SYNE3: variants seen among roughly 807,000 people sequenced by gnomAD.
The protein encoded by SYNE3 is spectrin repeat containing nuclear envelope family member 3, also known as nesprin-3.
A neutral mutation model predicts 111.2 loss-of-function variants in SYNE3; 100 were observed. The observed-to-expected ratio is 0.90, with a 90% CI of 0.77 to 1.06. The LOEUF (loss-of-function observed/expected upper bound fraction) is 1.06. Ranked by LOEUF, SYNE3 falls within the 50% of genes least tolerant of loss-of-function variation. SYNE3 has a pLI of 0.00. For missense variants in SYNE3, 1,160 were observed against 1,240.3 expected, an observed-to-expected ratio of 0.94 and a Z score of 0.97; for synonymous variants, 547 against 533.9, an observed-to-expected ratio of 1.02 and a Z score of -0.34.
At chr14:95,452,408 C>T (rs4905320) in intron 6 of SYNE3, 25 bp from the exon 7 acceptor site, 677,630 of 1,581,768 alleles carry the variant, frequency 0.43, 148,471 homozygotes, top group Admixed American at 0.66. Flanking sequence ...GACACCGCAG[C>T]GGGAGGTGAG....
At chr14:95,502,689 G>A (rs547405070) in intron 1 of SYNE3, among the ~76,000 whole-genome samples, 6 of 152,192 alleles carry the variant, frequency 3.9e-5, no homozygotes, top group East Asian at 1.9e-4. Flanking sequence ...ACGTACAACC[G>A]GTCAGGAACT....
chr14:95,503,610 C>CT (rs386382233), intron 1 of SYNE3, among the ~76,000 whole-genome samples: 2,186 of 91,846 alleles, frequency 0.024, 313 homozygotes, highest in African/African-American at 0.036. Flanking sequence ...TCAGAACTAC[C>CT]TTTTTTTTTT....
chr14:95,427,078 T>C (rs1206447536), intron 17 of SYNE3, among the ~76,000 whole-genome samples: 2 of 152,048 alleles, frequency 1.3e-5, no homozygotes, highest in Non-Finnish European at 2.9e-5. Context: ...TCTATAATCA[T>C]AAGCTAGGAA....
chr14:95,417,907 C>G lies in SYNE3; in HGVS notation c.2847G>C (p.Glu949Asp). 2 of 1,614,194 alleles carry G rather than the reference C, an allele frequency of 1.2e-6. No individual in the cohort carries two copies. Among genetic ancestry groups the G allele is most frequent in the Non-Finnish European group, 1.7e-6 (2 of 1,180,032 alleles). ...TGTTGGCCAGGGTGCAGCTGCGGTC[C>G]TCTTCCCTGATTGGGAGCAGGAACA... is the stretch of plus-strand genomic sequence containing the variant. ...LLLFLLPIRE[E>D]DRSCTLANNF... is the part of the protein sequence containing the mutation. Residue 949 changes from glutamate to aspartate, a missense_variant, in exon 18 of 18, where the codon GAG (glutamate) becomes GAC (aspartate). Physicochemically the swap from Glu to Asp is conservative, Grantham distance 45. Coordinates refer to ENST00000682763, the MANE Select transcript of SYNE3 (RefSeq NM_152592.6).
At chr14:95,436,312 C>T (rs1360737856) in intron 15 of SYNE3, among the ~76,000 whole-genome samples, 1 of 152,190 alleles carries the variant, frequency 6.6e-6, no homozygotes, top group Non-Finnish European at 1.5e-5. Context: ...TTCTGCCCTG[C>T]CTCTGCTATG....
In SYNE3 at chr14:95,431,957, T is replaced by G. The variant is rs181770905; in HGVS notation, c.2727+122A>C. The G allele has an allele frequency of 9.7e-6, 11 of 1,137,720 alleles. No homozygotes were observed. The African/African-American group carries it at 1.7e-4, about 18-fold the overall frequency. The allele number at this position is 1,137,720 out of a possible 1,614,324, so 70.5% of individuals were successfully genotyped here. On this transcript the variant is annotated intron_variant, in intron 17 of 17. Transcript: ENST00000682763. ...CAGCCCAGAGTTGATCCCCCATAAA[T>G]GTTCTTTGGTCTTCCTGGAACCTTC... is the stretch of plus-strand genomic sequence containing the variant.
intron 1 of SYNE3, among the ~76,000 whole-genome samples, chr14:95,480,356 T>C (rs1181212305): frequency 6.6e-6 from 1 of 152,168 alleles, no homozygotes; most frequent in Non-Finnish European, 1.5e-5. Flanking sequence ...GGTTTCAGCG[T>C]CCATGTGGTT....
chr14:95,510,649 G>A (rs767590122), intron 1 of SYNE3, among the ~76,000 whole-genome samples: 2 of 152,150 alleles, frequency 1.3e-5, no homozygotes, highest in African/African-American at 2.4e-5. Flanking sequence ...CTAGCTGGGC[G>A]TGGTGGCAGG....
chr14:95,472,837 G>A (rs1394971857), intron 2 of SYNE3, among the ~76,000 whole-genome samples: 4 of 152,064 alleles, frequency 2.6e-5, no homozygotes, highest in Non-Finnish European at 5.9e-5. Flanking sequence ...GGGTGAGGGG[G>A]TTCATTCCTG....
chr14:95,511,491 G>A (rs1325614118), intron 1 of SYNE3, among the ~76,000 whole-genome samples: 1 of 152,102 alleles, frequency 6.6e-6, no homozygotes, highest in African/African-American at 2.4e-5. Context: ...ACGAGGTCAG[G>A]AGATTGAGAC....
chr14:95,437,638 G>A (rs1434269556), intron 14 of SYNE3, among the ~76,000 whole-genome samples: 1 of 151,824 alleles, frequency 6.6e-6, no homozygotes, highest in East Asian at 1.9e-4. Flanking sequence ...CCTCTGGCCT[G>A]TCTGCCAAGG....
At position 95,470,203 on chromosome 14, in the gene SYNE3, C is replaced by T. The variant is rs1888442868; in HGVS notation, c.145-2236G>A. ...ATAGTGGCCAGTGTGGCCTGAAGAC[C>T]CAAGGGCCAGTGTGGAATGTTCTAG... On this transcript the variant is annotated intron_variant, in intron 2 of 17. Coordinates refer to ENST00000682763, the MANE Select transcript of SYNE3 (RefSeq NM_152592.6). The surrounding 1 kb of genome is among the most constrained non-coding windows in gnomAD (Gnocchi z 4.2). Among the ~76,000 whole-genome samples, 1 of 152,094 alleles carries T rather than the reference C, an allele frequency of 6.6e-6. No homozygotes were observed. Among genetic ancestry groups the T allele is most frequent in the Non-Finnish European group, 1.5e-5 (1 of 68,022 alleles).
chr14:95,468,218 G>A (rs985182699), intron 2 of SYNE3, among the ~76,000 whole-genome samples: 6 of 152,152 alleles, frequency 3.9e-5, no homozygotes, highest in African/African-American at 1.2e-4. Flanking sequence ...TTCCCCACTC[G>A]GCCCATTTCT....
intron 11 of SYNE3, 65 bp from the exon 12 acceptor site, chr14:95,440,140 AC>A: frequency 2.0e-6 from 3 of 1,503,826 alleles, no homozygotes; most frequent in Non-Finnish European, 2.7e-6. Context: ...CCCCCGCACC[AC>A]CCCCACCCTG....
At chr14:95,507,352 C>T (rs1040372987) in intron 1 of SYNE3, among the ~76,000 whole-genome samples, 8 of 152,230 alleles carry the variant, frequency 5.3e-5, no homozygotes, top group African/African-American at 1.2e-4. Flanking sequence ...GGTTACAAAG[C>T]GGAAGAGCCC....
At chr14:95,471,017 A>T (rs1888498449) in intron 2 of SYNE3, among the ~76,000 whole-genome samples, 1 of 151,980 alleles carries the variant, frequency 6.6e-6, no homozygotes. Flanking sequence ...GATATTTCTG[A>T]TTCCCAGAAA....
chr14:95,507,712 T>A (rs1890578115), intron 1 of SYNE3, among the ~76,000 whole-genome samples: 1 of 152,252 alleles, frequency 6.6e-6, no homozygotes, highest in African/African-American at 2.4e-5. Flanking sequence ...AAGCCAGGCC[T>A]GCTCGCTGCC....
chr14:95,496,480 G>C (rs1161954102), intron 1 of SYNE3, among the ~76,000 whole-genome samples: 1 of 152,182 alleles, frequency 6.6e-6, no homozygotes, highest in Non-Finnish European at 1.5e-5. Context: ...AAATGTGTCT[G>C]TGAGCTGGGG....
intron 8 of SYNE3, 22 bp from the exon 9 acceptor site, chr14:95,446,113 T>C: frequency 6.2e-7 from 1 of 1,613,140 alleles, no homozygotes; most frequent in Non-Finnish European, 8.5e-7. Context: ...AAGGCTTCCG[T>C]GAACCACAGA....
Sources: allele counts gnomAD v4.1 joint callset (sites outside exome capture counted in the v4.1 genomes callset), GRCh38; gene constraint gnomAD v4.1.1; non-coding constraint Gnocchi (gnomAD v3.1); transcripts MANE v1.5; gene names NCBI Gene and HGNC (gene_info 2026-07-23, HGNC 2026-07-21).